Variants in MGAT5 observed in about 807,000 individuals in gnomAD.
MGAT5 encodes alpha-1,6-mannosylglycoprotein 6-beta-N-acetylglucosaminyltransferase, also known as alpha-1,6-mannosylglycoprotein 6-beta-N-acetylglucosaminyltransferase A.
Under a neutral mutation model 94.3 loss-of-function variants are expected in MGAT5, and 30 were observed. The observed-to-expected ratio is 0.32, with a 90% confidence interval of 0.24 to 0.43. MGAT5 has a LOEUF of 0.43. Among genes scored for constraint, MGAT5 ranks in the 20% least tolerant of loss-of-function variants. MGAT5 has a pLI of 1.00. For synonymous variants in MGAT5, 310 were observed against 322.9 expected (o/e 0.96, Z 0.43); for missense variants, 691 against 905.5 (o/e 0.76, Z 3.04).
intron 6 of MGAT5, among the ~76,000 whole-genome samples, chr2:134,339,791 TC>T (rs1388059892): frequency 6.6e-6 from 1 of 152,190 alleles, no homozygotes; most frequent in Non-Finnish European, 1.5e-5. Flanking sequence ...TGACTATATA[TC>T]CATCCAGTTT....
At chr2:134,350,072 T>A in intron 9 of MGAT5, 134 bp downstream of exon 9, 1 of 694,046 alleles carries the variant, frequency 1.4e-6, no homozygotes, top group Admixed American at 3.9e-5. Context: ...ACCTTTTCCT[T>A]GGGAATTACT....
chr2:134,218,010 A>G (rs1046327315), intron 1 of MGAT5, among the ~76,000 whole-genome samples: 2 of 152,344 alleles, frequency 1.3e-5, no homozygotes, highest in East Asian at 3.9e-4. Flanking sequence ...TGCTGTTACT[A>G]TTACTGGCTG....
chr2:134,349,771 A>G (rs1367482852), intron 8 of MGAT5, 34 bp from the exon 9 acceptor site: 1 of 1,610,822 alleles, frequency 6.2e-7, no homozygotes, highest in African/African-American at 1.3e-5. Context: ...GGGGGCAAGT[A>G]TGTAGTGTTC....
intron 1 of MGAT5, chr2:134,231,312 C>T (rs990620086): frequency 1.3e-5 from 2 of 152,156 alleles, no homozygotes; most frequent in African/African-American, 4.8e-5. Flanking sequence ...TGTTGTAATG[C>T]TTGTACAACT....
intron 1 of MGAT5, among the ~76,000 whole-genome samples, chr2:134,135,811 G>T (rs762923821): frequency 3.3e-5 from 5 of 151,148 alleles, no homozygotes; most frequent in Non-Finnish European, 5.9e-5. Context: ...GACTGTCCTT[G>T]TTGTACAACC....
intron 12 of MGAT5, among the ~76,000 whole-genome samples, chr2:134,414,476 C>A (rs558325699): frequency 2.6e-5 from 4 of 152,188 alleles, no homozygotes; most frequent in African/African-American, 9.6e-5. Context: ...AGTAAATCAT[C>A]CCTCGGGTTT....
At chr2:134,294,929 C>T (rs550123919) in intron 2 of MGAT5, among the ~76,000 whole-genome samples, 2 of 152,292 alleles carry the variant, frequency 1.3e-5, no homozygotes, top group South Asian at 4.1e-4. Context: ...AATGTGAGGT[C>T]CTGTTCCAGC....
At chr2:134,325,279 A>G (rs1478372250) in intron 4 of MGAT5, among the ~76,000 whole-genome samples, 1 of 152,076 alleles carries the variant, frequency 6.6e-6, no homozygotes, top group Non-Finnish European at 1.5e-5. Flanking sequence ...TGGGGCTTCA[A>G]TGCTGTCATC....
intron 9 of MGAT5, among the ~76,000 whole-genome samples, chr2:134,351,161 T>C (rs1679357350): frequency 2.0e-5 from 3 of 152,200 alleles, no homozygotes; most frequent in African/African-American, 7.2e-5. Flanking sequence ...ATAAACATTA[T>C]TGTTCATGGA....
chr2:134,256,411 A>G (rs554781223), intron 1 of MGAT5, among the ~76,000 whole-genome samples: 1 of 151,130 alleles, frequency 6.6e-6, no homozygotes, highest in South Asian at 2.1e-4. Flanking sequence ...GTTACAGCTC[A>G]GTGGTAATTT....
In MGAT5 at chr2:134,153,950, T is replaced by C. The variant is rs538866322; in HGVS notation, c.-143+33659T>C. 7.9e-5 allele frequency among the ~76,000 whole-genome samples: 12 copies of C among 152,314 alleles called. No individual in the cohort carries two copies. The South Asian group carries it at 1.5e-3, about 18-fold the overall frequency. On this transcript the variant is annotated intron_variant, in intron 1 of 16. Transcript: ENST00000409645. ...ATTAGAAGTTTCTCGGCCCCTTCCA[T>C]AGGGGCAACGGCAGGGCTGTAGCTC...
chr2:134,267,523 C>T (rs937906739), intron 1 of MGAT5, among the ~76,000 whole-genome samples: 1 of 152,102 alleles, frequency 6.6e-6, no homozygotes, highest in Non-Finnish European at 1.5e-5. Flanking sequence ...CACTCCATGT[C>T]ACACAGTCAC....
chr2:134,273,053 G>T (rs1010956881), intron 2 of MGAT5, among the ~76,000 whole-genome samples: 5 of 152,072 alleles, frequency 3.3e-5, no homozygotes, highest in African/African-American at 1.2e-4. Flanking sequence ...GCATGCAGAG[G>T]CATCCCTTTC....
At chr2:134,129,911 C>T (rs375726760) in intron 1 of MGAT5, among the ~76,000 whole-genome samples, 3 of 152,170 alleles carry the variant, frequency 2.0e-5, no homozygotes, top group Non-Finnish European at 2.9e-5. Context: ...AGACCGCAGC[C>T]GGCTCCCTCT....
chr2:134,209,085 T>G (rs1416272740), intron 1 of MGAT5, among the ~76,000 whole-genome samples: 1 of 151,520 alleles, frequency 6.6e-6, no homozygotes, highest in African/African-American at 2.4e-5. Flanking sequence ...TGTTTTTGTG[T>G]ATTTACCGGG....
rs1343414257 is a variant in MGAT5 at position 134,450,591 on chromosome 2, AGAG to A, written c.*1749_*1751del. The A allele has an allele frequency of 6.6e-6, 1 of 151,410 alleles. No individual in the cohort carries two copies. The highest frequency in any genetic ancestry group is 1.5e-5 in the Non-Finnish European group (1 of 68,070). 9.4% of individuals were successfully genotyped at this position (151,410 alleles called of 1,614,324 possible). A position where few individuals can be genotyped will look rare whatever the true frequency, so the allele number is the denominator to read the frequency against. ...GCGTCTCAATTGTATCTCCAGTCTA[AGAG>A]GAGGGTGGGGGGCACCCGGGGCCTC... On this transcript the variant is annotated 3_prime_UTR_variant, in exon 16 of 16. Coordinates refer to ENST00000281923, the MANE Select transcript of MGAT5 (RefSeq NM_002410.5).
intron 10 of MGAT5, among the ~76,000 whole-genome samples, chr2:134,390,930 C>T (rs1273045629): frequency 6.6e-6 from 1 of 152,124 alleles, no homozygotes; most frequent in African/African-American, 2.4e-5. Context: ...TGCCATCTCT[C>T]AGACTTTTGC....
At chr2:134,405,661 A>C (rs143383616) in intron 11 of MGAT5, among the ~76,000 whole-genome samples, 2 of 152,318 alleles carry the variant, frequency 1.3e-5, no homozygotes. Context: ...GGATTCACAC[A>C]CTTCTTGGAC....
At chr2:134,161,419 TG>T (rs1455214767) in intron 1 of MGAT5, among the ~76,000 whole-genome samples, 1 of 152,160 alleles carries the variant, frequency 6.6e-6, no homozygotes, top group African/African-American at 2.4e-5. Flanking sequence ...CCTTGTTACC[TG>T]GTAACTCATT....
Sources: gnomAD v4.1 joint callset for allele counts (sites outside exome capture counted in the v4.1 genomes callset) on GRCh38, gnomAD v4.1.1 for gene constraint, MANE v1.5 for transcripts, NCBI Gene and HGNC (gene_info 2026-07-23, HGNC 2026-07-21) for gene names.